The following ATXN7L1 variants were observed in gnomAD, a reference collection of about 807,000 sequenced individuals.
ATXN7L1 encodes the protein ataxin-7-like protein 1.
In ATXN7L1, 15 loss-of-function variants were observed where a neutral mutation model predicts 70.8. The ratio of observed to expected loss-of-function variants is 0.21; its 90% CI spans 0.14 to 0.33. The LOEUF (loss-of-function observed/expected upper bound fraction) is 0.33, where lower values mean the gene tolerates loss of function less well. Ranked by LOEUF, ATXN7L1 falls within the 10% of genes least tolerant of loss-of-function variation. The pLI, the probability that ATXN7L1 is intolerant of heterozygous loss-of-function variation, is 1.00. For synonymous variants in ATXN7L1, 440 were observed against 445.1 expected, an observed-to-expected ratio of 0.99 and a Z score of 0.14; for missense variants, 975 against 1,097.1, an observed-to-expected ratio of 0.89 and a Z score of 1.57.
chr7:105,713,765 A>G (rs1794200076), intron 3 of ATXN7L1, among the ~76,000 whole-genome samples: 1 of 152,100 alleles, frequency 6.6e-6, no homozygotes, highest in African/African-American at 2.4e-5. Context: ...AAGAAACCCC[A>G]GTCAGGAGGC....
At chr7:105,647,633 G>A (rs371945291) in intron 4 of ATXN7L1, among the ~76,000 whole-genome samples, 9 of 152,348 alleles carry the variant, frequency 5.9e-5, no homozygotes, top group South Asian at 2.1e-4. Context: ...GCAACAGAGC[G>A]AGACTCCGTC....
At chr7:105,733,609 T>TCCAC (rs1796916324) in intron 3 of ATXN7L1, among the ~76,000 whole-genome samples, 2 of 45,742 alleles carry the variant, frequency 4.4e-5, no homozygotes, top group African/African-American at 2.1e-4. Context: ...CATCCACCCA[T>TCCAC]CCATCCATCC....
At chr7:105,616,249 C>T (rs1673426772) in intron 9 of ATXN7L1, among the ~76,000 whole-genome samples, 1 of 152,216 alleles carries the variant, frequency 6.6e-6, no homozygotes, top group Non-Finnish European at 1.5e-5. Context: ...ACCGTCCTTT[C>T]TCTTCTTTGG....
intron 4 of ATXN7L1, among the ~76,000 whole-genome samples, chr7:105,663,078 G>A (rs1056526263): frequency 2.6e-5 from 4 of 152,286 alleles, no homozygotes; most frequent in East Asian, 1.9e-4. Context: ...CAGAGCTTGT[G>A]GTTACATCGG....
At position 105,673,177 on chromosome 7, in the gene ATXN7L1, C is replaced by G. The variant is rs555797395; in HGVS notation, c.356-7889G>C. ...AAAATCCATCAGGTTCTCAGGCAAT[C>G]CCATTTCAGTAAAAATTCAGTGTTC... On this transcript the variant is annotated intron_variant, in intron 3 of 11. Coordinates refer to ENST00000419735, the MANE Select transcript of ATXN7L1 (RefSeq NM_020725.2). Among the ~76,000 whole-genome samples, 8 of 152,330 alleles carry G rather than the reference C, an allele frequency of 5.3e-5. No homozygotes were observed. The South Asian group carries it at 1.7e-3, about 32-fold the overall frequency.
At chr7:105,768,533 G>A (rs1245773864) in intron 3 of ATXN7L1, among the ~76,000 whole-genome samples, 1 of 152,192 alleles carries the variant, frequency 6.6e-6, no homozygotes, top group Non-Finnish European at 1.5e-5. Context: ...GGTTATCAAT[G>A]CTTAGCTTTC....
At chr7:105,722,820 G>C (rs1325829562) in intron 3 of ATXN7L1, among the ~76,000 whole-genome samples, 1 of 152,098 alleles carries the variant, frequency 6.6e-6, no homozygotes, top group Non-Finnish European at 1.5e-5. Context: ...GGGAAGTGGA[G>C]GTTGCAGTGA....
At chr7:105,646,770 CAA>C (rs5886362) in intron 4 of ATXN7L1, among the ~76,000 whole-genome samples, 5 of 118,486 alleles carry the variant, frequency 4.2e-5, no homozygotes, top group Admixed American at 9.1e-5. Flanking sequence ...CATGTCTCTA[CAA>C]AAAAAAAAAA....
intron 3 of ATXN7L1, among the ~76,000 whole-genome samples, chr7:105,766,436 ATTTGATTAGTAGCATT>A: frequency 6.6e-6 from 1 of 152,176 alleles, no homozygotes; most frequent in East Asian, 1.9e-4. Context: ...CGAGACATTG[ATTTGATTAGTAGCATT>A]CTGTGGAACT....
intron 3 of ATXN7L1, among the ~76,000 whole-genome samples, chr7:105,757,523 C>T (rs560622438): frequency 1.3e-4 from 18 of 141,998 alleles, no homozygotes; most frequent in East Asian, 2.2e-4. Context: ...AAAAGGCAGA[C>T]ATTCAAAAGC....
At chr7:105,696,805 G>A (rs935644454) in intron 3 of ATXN7L1, among the ~76,000 whole-genome samples, 3 of 152,208 alleles carry the variant, frequency 2.0e-5, no homozygotes, top group African/African-American at 7.2e-5. Flanking sequence ...TGGGTAATGG[G>A]GGACCTGCCC....
intron 4 of ATXN7L1, among the ~76,000 whole-genome samples, chr7:105,664,575 G>GTATATATATATA (rs1554416470): frequency 1.5e-5 from 2 of 131,986 alleles, no homozygotes; most frequent in Non-Finnish European, 3.3e-5. Flanking sequence ...GTATGTGTGT[G>GTATATATATATA]TATATATATA....
chr7:105,818,326 C>T (rs187934960), intron 2 of ATXN7L1, among the ~76,000 whole-genome samples: 14 of 152,236 alleles, frequency 9.2e-5, no homozygotes, highest in East Asian at 1.9e-4. Flanking sequence ...CGTGCCACCA[C>T]GCCCCAGCTA....
chr7:105,844,012 A>G (rs1813605576), intron 2 of ATXN7L1, among the ~76,000 whole-genome samples: 1 of 152,236 alleles, frequency 6.6e-6, no homozygotes, highest in South Asian at 2.1e-4. Flanking sequence ...AAGATGGCCC[A>G]TTCACATGGC....
At chr7:105,623,168 G>A (rs1265977612) in intron 8 of ATXN7L1, among the ~76,000 whole-genome samples, 5 of 152,152 alleles carry the variant, frequency 3.3e-5, no homozygotes, top group Non-Finnish European at 7.3e-5. Context: ...AGTGAACTTG[G>A]CCTTCGTTCA....
In ATXN7L1 at chr7:105,788,673, C is replaced by T. The variant is rs539720062; in HGVS notation, c.286G>A (p.Asp96Asn). The change falls in exon 3 of 12, where the codon GAC (aspartate) becomes AAC (asparagine). Residue 96 changes from aspartate (D) to asparagine (N), a missense_variant. Physicochemically the swap from Asp to Asn is conservative, Grantham distance 23 (BLOSUM62 1). Around this residue, in one of 5 missense-constraint regions of ATXN7L1, gnomAD observed 135 missense variants for 132.6 expected, o/e 1.02. Transcript: ENST00000419735. ...GCACTGCACACTACGAGATAGAAGTCGTCATGTGCTGGGTAATGGCCAAAT... is the reference window on the plus strand; with the variant it reads ...GCACTGCACACTACGAGATAGAAGTTGTCATGTGCTGGGTAATGGCCAAAT... Reference protein sequence around the residue: ...HLFGHYPAHDDFYLVVCSACN... With the variant: ...HLFGHYPAHDNFYLVVCSACN... 10 of 1,613,890 alleles carry T rather than the reference C, an allele frequency of 6.2e-6. No homozygotes were observed. The highest frequency in any genetic ancestry group is 4.4e-5 in the South Asian group (4 of 91,058).
chr7:105,745,059 G>A (rs192322257), intron 3 of ATXN7L1, among the ~76,000 whole-genome samples: 202 of 152,126 alleles, frequency 1.3e-3, no homozygotes, highest in African/African-American at 4.7e-3. Context: ...TTTGCTCTAA[G>A]GGATAACTGG....
chr7:105,844,219 A>C (rs1813637422), intron 2 of ATXN7L1, among the ~76,000 whole-genome samples: 1 of 152,200 alleles, frequency 6.6e-6, no homozygotes, highest in South Asian at 2.1e-4. Context: ...CTATTGGTCA[A>C]GACTGAGTCA....
chr7:105,830,169 G>C (rs1213683551), intron 2 of ATXN7L1, among the ~76,000 whole-genome samples: 1 of 152,200 alleles, frequency 6.6e-6, no homozygotes, highest in Non-Finnish European at 1.5e-5. Context: ...AAATGACCTG[G>C]GGGTCTGTCC....
Sources: gnomAD v4.1 joint callset for allele counts (sites outside exome capture counted in the v4.1 genomes callset) on GRCh38, gnomAD v4.1.1 for gene constraint, gnomAD v4.1.1 regional missense constraint, MANE v1.5 for transcripts, NCBI Gene and HGNC (gene_info 2026-07-23, HGNC 2026-07-21) for gene names.